The following TRIM2 variants were observed in gnomAD, a reference collection of about 807,000 sequenced individuals.
TRIM2 encodes the protein tripartite motif containing 2, also known as tripartite motif-containing protein 2.
In TRIM2, 20 loss-of-function variants were observed where a neutral mutation model predicts 75.2. That is an observed-to-expected ratio of 0.27 (90% confidence interval 0.19 to 0.39). The LOEUF (loss-of-function observed/expected upper bound fraction) is 0.39, where lower values mean the gene tolerates loss of function less well. Among genes scored for constraint, TRIM2 ranks in the 10% least tolerant of loss-of-function variants. The probability of loss-of-function intolerance (pLI) is 1.00; values close to 1 mark genes in which losing one functional copy is unlikely to be tolerated. For synonymous variants in TRIM2, 373 were observed against 388.3 expected (o/e 0.96, Z 0.46); for missense variants, 660 against 990.8 (o/e 0.67, Z 4.48).
intron 8 of TRIM2, among the ~76,000 whole-genome samples, chr4:153,321,521 T>G (rs181423343): frequency 2.0e-5 from 3 of 152,328 alleles, no homozygotes; most frequent in African/African-American, 7.2e-5. Flanking sequence ...CAAATGCTTT[T>G]CCCCTATTTT....
At chr4:153,274,564 A>C (rs1757602674) in intron 2 of TRIM2, among the ~76,000 whole-genome samples, 1 of 152,196 alleles carries the variant, frequency 6.6e-6, no homozygotes, top group Admixed American at 6.5e-5. Flanking sequence ...TGTGGGAAGA[A>C]ATATAATTTT....
chr4:153,322,330 G>C (rs1769182059), intron 8 of TRIM2, among the ~76,000 whole-genome samples: 1 of 152,200 alleles, frequency 6.6e-6, no homozygotes, highest in African/African-American at 2.4e-5. Context: ...AGAATTGCAT[G>C]AACCCAGGAG....
intron 6 of TRIM2, among the ~76,000 whole-genome samples, chr4:153,304,232 G>A (rs758491574): frequency 1.3e-5 from 2 of 152,010 alleles, no homozygotes; most frequent in Non-Finnish European, 2.9e-5. Flanking sequence ...TCTTGCCTCA[G>A]CCTCCCAAGT....
chr4:153,272,095 G>C (rs1412349809), intron 2 of TRIM2, among the ~76,000 whole-genome samples: 1 of 152,224 alleles, frequency 6.6e-6, no homozygotes, highest in East Asian at 1.9e-4. Flanking sequence ...ACAATGCTCT[G>C]TGTTAAAATT....
rs570112758 is a variant in TRIM2 at position 153,288,939 on chromosome 4, T to C, written c.454-4043T>C. Among the ~76,000 whole-genome samples the C allele has an allele frequency of 1.6e-4, 25 of 152,280 alleles. No individual in the cohort carries two copies. The South Asian group carries it at 5.2e-3, about 32-fold the overall frequency. On this transcript the variant is annotated intron_variant, in intron 3 of 11. Transcript: ENST00000338700. Reference sequence around the variant, plus strand: ...ATATTTCTATTTGGCTTTTAAAAAATAATTCTTATCTCTCTATTAATATTC... The same window carrying C: ...ATATTTCTATTTGGCTTTTAAAAAACAATTCTTATCTCTCTATTAATATTC...
Position 153,335,074 on chromosome 4 carries a change from T to A in TRIM2, c.*108T>A. ...AGAGTTTTTATGCCAGAAGGAATCATTGGTGAACTTTCCAAGGTTATTTCT... is the reference window on the plus strand; with the variant it reads ...AGAGTTTTTATGCCAGAAGGAATCAATGGTGAACTTTCCAAGGTTATTTCT... On this transcript the variant is annotated 3_prime_UTR_variant, in exon 12 of 12. Coordinates refer to ENST00000338700, the MANE Select transcript of TRIM2 (RefSeq NM_015271.5). The A allele has an allele frequency of 1.5e-6, 2 of 1,338,728 alleles. No individual in the cohort carries two copies. Among genetic ancestry groups the A allele is most frequent in the Non-Finnish European group, 1.9e-6 (2 of 1,034,598 alleles). The allele number at this position is 1,338,728 out of a possible 1,614,324, so 82.9% of individuals were successfully genotyped here.
At chr4:153,182,584 T>C (rs1732181098) in intron 1 of TRIM2, among the ~76,000 whole-genome samples, 1 of 152,190 alleles carries the variant, frequency 6.6e-6, no homozygotes, top group Admixed American at 6.5e-5. Flanking sequence ...GTGCCTGCCC[T>C]GCAGCAGGAA....
chr4:153,285,157 A>G (rs1233916175), intron 3 of TRIM2, among the ~76,000 whole-genome samples: 5 of 152,134 alleles, frequency 3.3e-5, no homozygotes, highest in Non-Finnish European at 5.9e-5. Flanking sequence ...GTACATGTGA[A>G]TTTCTAGTTA....
chr4:153,228,932 C>T (rs538989111), intron 1 of TRIM2, among the ~76,000 whole-genome samples: 6 of 152,176 alleles, frequency 3.9e-5, no homozygotes, highest in South Asian at 4.2e-4. Context: ...ATAAAGCAAC[C>T]GATGACTGAA....
intron 1 of TRIM2, among the ~76,000 whole-genome samples, chr4:153,210,046 T>C (rs565241430): frequency 4.6e-5 from 7 of 151,662 alleles, no homozygotes; most frequent in Admixed American, 1.3e-4. Context: ...AGTTGCCACA[T>C]TGGGTGATTT....
chr4:153,191,412 A>G (rs1429284384), intron 1 of TRIM2, among the ~76,000 whole-genome samples: 1 of 152,256 alleles, frequency 6.6e-6, no homozygotes, highest in Non-Finnish European at 1.5e-5. Flanking sequence ...AATCCTGGAG[A>G]AAGAGATAAC....
At chr4:153,175,202 A>G (rs1731295065) in intron 1 of TRIM2, among the ~76,000 whole-genome samples, 1 of 151,900 alleles carries the variant, frequency 6.6e-6, no homozygotes, top group African/African-American at 2.4e-5. Flanking sequence ...TTGTATTTTT[A>G]GTAGAGACAG....
chr4:153,282,147 C>T (rs1759492529), intron 3 of TRIM2, among the ~76,000 whole-genome samples: 1 of 152,202 alleles, frequency 6.6e-6, no homozygotes, highest in South Asian at 2.1e-4. Context: ...GCCCACCCAC[C>T]CCAGGCCGCA....
intron 1 of TRIM2, among the ~76,000 whole-genome samples, chr4:153,184,647 T>C (rs115362230): frequency 1.4e-4 from 21 of 152,316 alleles, no homozygotes; most frequent in Non-Finnish European, 2.6e-4. Context: ...GATATGAGAA[T>C]GGTTGAATTC....
intron 8 of TRIM2, among the ~76,000 whole-genome samples, chr4:153,322,131 T>C (rs2149554787): frequency 6.6e-6 from 1 of 151,716 alleles, no homozygotes; most frequent in Non-Finnish European, 1.5e-5. Context: ...TTTTAAGGGC[T>C]GGGCACGAGG....
intron 2 of TRIM2, among the ~76,000 whole-genome samples, chr4:153,273,314 C>T (rs371754291): frequency 2.5e-5 from 3 of 121,944 alleles, no homozygotes; most frequent in Non-Finnish European, 5.1e-5. Context: ...CTCGCTCTGC[C>T]GCCCGGGCTG....
At position 153,328,555 on chromosome 4, in the gene TRIM2, T is replaced by C. The variant is rs1770749801; in HGVS notation, c.2048T>C (p.Met683Thr). The change falls in exon 11 of 12, where the codon ATG (methionine) becomes ACG (threonine). Residue 683 changes from methionine to threonine, a missense_variant. Met to Thr is a moderately conservative substitution (Grantham distance 81). Around this residue, in one of 2 missense-constraint regions of TRIM2, gnomAD observed 620 missense variants for 891.0 expected, o/e 0.70. Coordinates refer to ENST00000338700, the MANE Select transcript of TRIM2 (RefSeq NM_015271.5). ...GTGTTTAATCAGGAAGGAGAATTCA[T>C]GTTGAAGTTTGGCTCAAATGGAGAA... ...VKVFNQEGEF[M>T]LKFGSNGEGN... The C allele has an allele frequency of 7.4e-6, 12 of 1,612,886 alleles. No individual in the cohort carries two copies. The highest frequency in any genetic ancestry group is 1.0e-5 in the Non-Finnish European group (12 of 1,179,604).
intron 3 of TRIM2, among the ~76,000 whole-genome samples, chr4:153,279,848 C>T (rs917906741): frequency 4.6e-5 from 7 of 150,758 alleles, no homozygotes; most frequent in Non-Finnish European, 7.4e-5. Flanking sequence ...GAGGCTGAGG[C>T]AGGAGAATTA....
upstream of TRIM2, among the ~76,000 whole-genome samples, chr4:153,202,799 G>A (rs936323765): frequency 1.3e-5 from 2 of 151,212 alleles, no homozygotes; most frequent in African/African-American, 4.8e-5. Flanking sequence ...TTAAGCTGCT[G>A]TAATAGCTTT....
Sources: gnomAD v4.1 joint callset for allele counts (sites outside exome capture counted in the v4.1 genomes callset) on GRCh38, gnomAD v4.1.1 for gene constraint, gnomAD v4.1.1 regional missense constraint, MANE v1.5 for transcripts, NCBI Gene and HGNC (gene_info 2026-07-23, HGNC 2026-07-21) for gene names.